The following AGAP1 variants were observed in gnomAD, a reference collection of about 807,000 sequenced individuals.
The protein encoded by AGAP1 is arf-GAP with GTPase, ANK repeat and PH domain-containing protein 1.
Under a neutral mutation model 105.3 loss-of-function variants are expected in AGAP1, and 29 were observed. The observed-to-expected ratio is 0.28, with a 90% CI of 0.21 to 0.38. The LOEUF is 0.38. Among genes scored for constraint, AGAP1 ranks in the 10% least tolerant of loss-of-function variants. The pLI is 1.00. For missense variants in AGAP1, 998 were observed against 1,165.1 expected (o/e 0.86, Z 2.09); for synonymous variants, 509 against 485.9 (o/e 1.05, Z -0.63).
rs1220651902 is a variant in AGAP1, at chr2:236,009,658, C to T, written c.1646-26903C>T. Among the ~76,000 whole-genome samples the T allele has an allele frequency of 2.0e-5, 3 of 152,120 alleles. No individual in the cohort carries two copies. Among genetic ancestry groups the T allele is most frequent in the Non-Finnish European group, 4.4e-5 (3 of 68,028 alleles). ...GACATTGTTAGAAATGAGTGGCACA[C>T]CTCTTCAACCCATCCCCTTCCTCCA... On this transcript the variant is annotated intron_variant, in intron 13 of 17. Coordinates refer to ENST00000304032, the MANE Select transcript of AGAP1 (RefSeq NM_001037131.3). The surrounding 1 kb of genome is among the most constrained non-coding windows in gnomAD (Gnocchi z 4.2).
intron 12 of AGAP1, among the ~76,000 whole-genome samples, chr2:235,940,684 C>A (rs1433804833): frequency 2.0e-5 from 3 of 152,234 alleles, no homozygotes; most frequent in African/African-American, 7.2e-5. Context: ...CGACTCCTAC[C>A]CAGTCACAAG....
At position 235,551,331 on chromosome 2, in the gene AGAP1, G is replaced by T; in HGVS notation, c.163+56482G>T. 6.6e-6 allele frequency among the ~76,000 whole-genome samples: 1 copy of T among 152,032 alleles called. No homozygotes were observed. Among genetic ancestry groups the T allele is most frequent in the East Asian group, 1.9e-4 (1 of 5,172 alleles). ...GACAGATTTTTTTTTTTGAGACAAGGTCTCACTCTGTCACTCAGGTTGGAG... is the reference window on the plus strand; with the variant it reads ...GACAGATTTTTTTTTTTGAGACAAGTTCTCACTCTGTCACTCAGGTTGGAG... On this transcript the variant is annotated intron_variant, in intron 1 of 17. Transcript: ENST00000304032. This position sits in a 1 kb window ranked among gnomAD's most constrained non-coding sequence, Gnocchi z 4.8.
chr2:235,617,987 G>A (rs527274947), intron 1 of AGAP1, among the ~76,000 whole-genome samples: 1 of 152,166 alleles, frequency 6.6e-6, no homozygotes, highest in South Asian at 2.1e-4. Flanking sequence ...ACTGAACTGA[G>A]TTGAGTAGCT....
chr2:235,869,573 C>T (rs1448945477), intron 9 of AGAP1, among the ~76,000 whole-genome samples: 1 of 152,130 alleles, frequency 6.6e-6, no homozygotes, highest in Non-Finnish European at 1.5e-5. Flanking sequence ...TGCACTCCAG[C>T]CTGAGCGACA....
chr2:235,777,947 C>G lies in AGAP1; in HGVS notation c.674-19812C>G, dbSNP rs925878461. ...GTTGGAAGGAGGGGACTTCCTTGGC[C>G]CCTCCTGGCTCTGCCCTGAGCCCGC... On this transcript the variant is annotated intron_variant, in intron 6 of 17. Coordinates refer to ENST00000304032, the MANE Select transcript of AGAP1 (RefSeq NM_001037131.3). The surrounding 1 kb of genome is among the most constrained non-coding windows in gnomAD (Gnocchi z 5.1). Among the ~76,000 whole-genome samples, 1 of 152,136 alleles carries G rather than the reference C, an allele frequency of 6.6e-6. No homozygotes were observed. The highest frequency in any genetic ancestry group is 1.9e-4 in the East Asian group (1 of 5,176).
intron 6 of AGAP1, among the ~76,000 whole-genome samples, chr2:235,763,351 A>G (rs1954629876): frequency 6.6e-6 from 1 of 152,046 alleles, no homozygotes; most frequent in Non-Finnish European, 1.5e-5. Context: ...TGGACAAGAG[A>G]TCCGCGACCG....
intron 1 of AGAP1, among the ~76,000 whole-genome samples, chr2:235,536,170 C>T (rs1943212179): frequency 7.7e-6 from 1 of 129,550 alleles, no homozygotes; most frequent in Non-Finnish European, 1.7e-5. Flanking sequence ...CACACACACA[C>T]ACACACACAG....
intron 1 of AGAP1, among the ~76,000 whole-genome samples, chr2:235,591,524 G>A (rs1178179544): frequency 6.6e-6 from 1 of 152,192 alleles, no homozygotes; most frequent in African/African-American, 2.4e-5. Context: ...ATGTGCCCCA[G>A]GCTGCAGTCA....
chr2:235,497,708 C>T (rs1222671881), intron 1 of AGAP1, among the ~76,000 whole-genome samples: 1 of 152,240 alleles, frequency 6.6e-6, no homozygotes, highest in East Asian at 1.9e-4. Context: ...CATTCTCCTG[C>T]CTCAGCCTCC....
In AGAP1 at chr2:235,620,727, C is replaced by T. The variant is rs921280861; in HGVS notation, c.164-88452C>T. On this transcript the variant is annotated intron_variant, in intron 1 of 17. Transcript: ENST00000304032. This position sits in a 1 kb window ranked among gnomAD's most constrained non-coding sequence, Gnocchi z 4.5. ...ATGGAATATAAGGGCTTGTGTTTGC[C>T]GTTTCCCCAGCACCTAGACAGGACC... Among the ~76,000 whole-genome samples, 6 of 152,208 alleles carry T rather than the reference C, an allele frequency of 3.9e-5. No individual in the cohort carries two copies. Among genetic ancestry groups the T allele is most frequent in the Non-Finnish European group, 7.3e-5 (5 of 68,034 alleles).
chr2:236,044,032 G>A lies in AGAP1; in HGVS notation c.1891+3191G>A, dbSNP rs1403063736. Among the ~76,000 whole-genome samples, 4 of 152,082 alleles carry A rather than the reference G, an allele frequency of 2.6e-5. No individual in the cohort carries two copies. The highest frequency in any genetic ancestry group is 7.2e-5 in the African/African-American group (3 of 41,388). ...AGGAGCCCCCTCTGTCTGCTCACTG[G>A]GCACATCCCAGAGCACTGTTTCCAG... is the stretch of plus-strand genomic sequence containing the variant. On this transcript the variant is annotated intron_variant, in intron 15 of 17. Transcript: ENST00000304032. The surrounding 1 kb of genome is among the most constrained non-coding windows in gnomAD (Gnocchi z 5.7).
At chr2:235,657,967 A>C (rs941572496) in intron 1 of AGAP1, among the ~76,000 whole-genome samples, 2 of 152,198 alleles carry the variant, frequency 1.3e-5, no homozygotes, top group African/African-American at 4.8e-5. Flanking sequence ...GAGAGACCTC[A>C]AAAGAGACCA....
At position 235,867,061 on chromosome 2, in the gene AGAP1, C is replaced by T. The variant is rs551928185; in HGVS notation, c.1051-16284C>T. Among the ~76,000 whole-genome samples the T allele has an allele frequency of 1.3e-5, 2 of 152,208 alleles. No homozygotes were observed. Among genetic ancestry groups the T allele is most frequent in the East Asian group, 3.9e-4 (2 of 5,178 alleles). On this transcript the variant is annotated intron_variant, in intron 9 of 17. Transcript: ENST00000304032. The surrounding 1 kb of genome is among the most constrained non-coding windows in gnomAD (Gnocchi z 5.4). Reference sequence around the variant, plus strand: ...TGCTTGCTTATGCGGAGCCTGTGACCCTGCAGCTCAGCATGGGAGGCTAAA... The same window carrying T: ...TGCTTGCTTATGCGGAGCCTGTGACTCTGCAGCTCAGCATGGGAGGCTAAA...
In AGAP1 at chr2:235,810,973, A is replaced by G. The variant is rs180946726; in HGVS notation, c.1050+3642A>G. ...TTTTCATTGCTGTGGAGAGTTGTAC[A>G]TACATAATCACTTGATTGCAGTGGG... On this transcript the variant is annotated intron_variant, in intron 9 of 17. Coordinates refer to ENST00000304032, the MANE Select transcript of AGAP1 (RefSeq NM_001037131.3). Among the ~76,000 whole-genome samples the G allele has an allele frequency of 3.9e-4, 59 of 151,940 alleles. 1 individual carries two copies. In the East Asian group the frequency reaches 8.2e-3, roughly 21 times the overall value.
At chr2:235,795,678 A>T (rs993068205) in intron 6 of AGAP1, among the ~76,000 whole-genome samples, 1 of 152,236 alleles carries the variant, frequency 6.6e-6, no homozygotes, top group Non-Finnish European at 1.5e-5. Flanking sequence ...AAAAAATAGT[A>T]GAGTTTAAAA....
rs1948028289 is a variant in AGAP1 at position 235,663,474 on chromosome 2, A to G, written c.164-45705A>G. 6.6e-6 allele frequency among the ~76,000 whole-genome samples: 1 copy of G among 152,138 alleles called. No homozygotes were observed. The highest frequency in any genetic ancestry group is 1.5e-5 in the Non-Finnish European group (1 of 68,028). ...CCTGGGCACAGATAAAAGAGTTTTC[A>G]GATATCTCTGCAGCCAAATCCCAAA... On this transcript the variant is annotated intron_variant, in intron 1 of 17. Coordinates refer to ENST00000304032, the MANE Select transcript of AGAP1 (RefSeq NM_001037131.3). This position sits in a 1 kb window ranked among gnomAD's most constrained non-coding sequence, Gnocchi z 5.4.
intron 16 of AGAP1, among the ~76,000 whole-genome samples, chr2:236,077,353 C>T (rs1181188712): frequency 1.4e-5 from 2 of 144,416 alleles, no homozygotes; most frequent in Non-Finnish European, 3.0e-5. Context: ...CAGTTTCGCT[C>T]TGTTGCCCAG....
rs549671404 is a variant in AGAP1 at position 235,553,386 on chromosome 2, C to T, written c.163+58537C>T. Reference sequence around the variant, plus strand: ...ATGTTCCTGTGAATTTTTAATAAAACATAGTTGTTTACATACTTCTCCTTT... The same window carrying T: ...ATGTTCCTGTGAATTTTTAATAAAATATAGTTGTTTACATACTTCTCCTTT... On this transcript the variant is annotated intron_variant, in intron 1 of 17. Transcript: ENST00000304032. This position sits in a 1 kb window ranked among gnomAD's most constrained non-coding sequence, Gnocchi z 4.5. Among the ~76,000 whole-genome samples, 1 of 152,118 alleles carries T rather than the reference C, an allele frequency of 6.6e-6. No homozygotes were observed. Among genetic ancestry groups the T allele is most frequent in the East Asian group, 1.9e-4 (1 of 5,152 alleles).
chr2:235,878,719 G>A (rs1441064052), intron 9 of AGAP1, among the ~76,000 whole-genome samples: 3 of 152,212 alleles, frequency 2.0e-5, no homozygotes, highest in Non-Finnish European at 2.9e-5. Flanking sequence ...ATTTCAGTGG[G>A]AATTTGGGAG....
Sources: allele counts gnomAD v4.1 joint callset (sites outside exome capture counted in the v4.1 genomes callset), GRCh38; gene constraint gnomAD v4.1.1; non-coding constraint Gnocchi (gnomAD v3.1); transcripts MANE v1.5; gene names NCBI Gene and HGNC (gene_info 2026-07-23, HGNC 2026-07-21).